SYT1: variants seen among roughly 807,000 people sequenced by gnomAD.
SYT1 encodes the protein synaptotagmin-1.
SYT1 carries 8 observed loss-of-function variants against 44.8 expected under a neutral mutation model. The ratio of observed to expected loss-of-function variants is 0.18; its 90% CI spans 0.10 to 0.32. The LOEUF (loss-of-function observed/expected upper bound fraction) is 0.32, where lower values mean the gene tolerates loss of function less well. Ranked by LOEUF, SYT1 falls within the 10% of genes least tolerant of loss-of-function variation. The probability of loss-of-function intolerance (pLI) is 1.00; values close to 1 mark genes in which losing one functional copy is unlikely to be tolerated. For synonymous variants in SYT1, 154 were observed against 188.8 expected, an observed-to-expected ratio of 0.82 and a Z score of 1.51; for missense variants, 286 against 509.3, an observed-to-expected ratio of 0.56 and a Z score of 4.22.
intron 2 of SYT1, among the ~76,000 whole-genome samples, chr12:79,008,223 G>A (rs1354040561): frequency 6.6e-6 from 1 of 151,878 alleles, no homozygotes; most frequent in African/African-American, 2.4e-5. Context: ...GAAGGAAGAG[G>A]GCTCCAAGCA....
At chr12:78,947,419 A>G (rs1204648082) in intron 1 of SYT1, among the ~76,000 whole-genome samples, 1 of 152,118 alleles carries the variant, frequency 6.6e-6, no homozygotes, top group Non-Finnish European at 1.5e-5. Flanking sequence ...GGGCTCCTCT[A>G]AAGCCAAACC....
intron 9 of SYT1, among the ~76,000 whole-genome samples, chr12:79,376,693 G>C (rs898431256): frequency 6.6e-6 from 1 of 152,090 alleles, no homozygotes; most frequent in African/African-American, 2.4e-5. Context: ...TGACATAAAT[G>C]GGCAATTTTC....
rs1872009631 is a variant in SYT1, at chr12:79,178,080, G to C, written c.-17-39423G>C. ...ATCCCATTTGTCAATTTTGGCTTTT[G>C]TTGCCATTGCTGTAAAAGCATATTT... On this transcript the variant is annotated intron_variant, in intron 3 of 10. Transcript: ENST00000261205. 2.6e-5 allele frequency among the ~76,000 whole-genome samples: 4 copies of C among 152,000 alleles called. No homozygotes were observed. The South Asian group carries it at 6.2e-4, about 24-fold the overall frequency.
chr12:78,875,053 A>G (rs901419941), intron 1 of SYT1, among the ~76,000 whole-genome samples: 3 of 151,632 alleles, frequency 2.0e-5, no homozygotes, highest in African/African-American at 7.3e-5. Flanking sequence ...TGTAAATGAG[A>G]ATTTCAAACT....
chr12:79,140,227 G>A (rs1210008542), intron 3 of SYT1, among the ~76,000 whole-genome samples: 2 of 152,152 alleles, frequency 1.3e-5, no homozygotes, highest in African/African-American at 4.8e-5. Flanking sequence ...CTAAAAATCT[G>A]CATGCTTCCA....
chr12:79,384,967 C>T (rs1299705582), intron 9 of SYT1, among the ~76,000 whole-genome samples: 1 of 150,220 alleles, frequency 6.7e-6, no homozygotes, highest in Admixed American at 6.7e-5. Context: ...TAATAAGCAG[C>T]TAATGGAAGG....
chr12:79,331,656 AC>A (rs1308036131), intron 8 of SYT1, among the ~76,000 whole-genome samples: 4 of 152,168 alleles, frequency 2.6e-5, no homozygotes, highest in African/African-American at 9.6e-5. Context: ...AATAGTTACT[AC>A]CTTTATGAAG....
chr12:79,035,645 A>T (rs1350615043), intron 2 of SYT1, among the ~76,000 whole-genome samples: 2 of 151,556 alleles, frequency 1.3e-5, no homozygotes, highest in African/African-American at 4.8e-5. Context: ...CCATTCTGCC[A>T]TCACTGCCAT....
At chr12:79,417,278 G>A (rs1168423090) in intron 9 of SYT1, among the ~76,000 whole-genome samples, 2 of 152,056 alleles carry the variant, frequency 1.3e-5, no homozygotes, top group African/African-American at 4.8e-5. Flanking sequence ...CAGGTGGTTG[G>A]TTTCTCTTCA....
chr12:79,325,401 AAAAC>A (rs1881566064), intron 8 of SYT1, among the ~76,000 whole-genome samples: 1 of 152,264 alleles, frequency 6.6e-6, no homozygotes, highest in Non-Finnish European at 1.5e-5. Flanking sequence ...TGGATGTGGG[AAAAC>A]AAACAATTTG....
intron 8 of SYT1, among the ~76,000 whole-genome samples, chr12:79,316,050 A>C (rs1335403660): frequency 6.6e-6 from 1 of 152,232 alleles, no homozygotes; most frequent in African/African-American, 2.4e-5. Context: ...GCATGCAATA[A>C]AATGCACAGA....
intron 2 of SYT1, among the ~76,000 whole-genome samples, chr12:79,041,880 A>G (rs1235750807): frequency 1.3e-5 from 2 of 152,178 alleles, no homozygotes; most frequent in Non-Finnish European, 2.9e-5. Context: ...CTATTGAGAT[A>G]ATCATGTGGT....
intron 1 of SYT1, among the ~76,000 whole-genome samples, chr12:78,876,977 C>T (rs1181373353): frequency 1.2e-5 from 1 of 82,022 alleles, no homozygotes; most frequent in Non-Finnish European, 2.4e-5. Context: ...CACCTGGCTC[C>T]TCTAGTAAAT....
intron 2 of SYT1, among the ~76,000 whole-genome samples, chr12:79,043,884 G>C (rs1873789463): frequency 6.6e-6 from 1 of 152,168 alleles, no homozygotes; most frequent in African/African-American, 2.4e-5. Context: ...CTTCGCTTAT[G>C]AAGTTTAGTT....
intron 8 of SYT1, among the ~76,000 whole-genome samples, chr12:79,331,839 A>T (rs1025169962): frequency 3.9e-5 from 6 of 152,122 alleles, no homozygotes; most frequent in Non-Finnish European, 5.9e-5. Context: ...AAAAAAAATA[A>T]AGTCATAAAA....
chr12:78,934,495 C>T (rs1877941675), intron 1 of SYT1, among the ~76,000 whole-genome samples: 1 of 152,206 alleles, frequency 6.6e-6, no homozygotes, highest in Middle Eastern at 3.4e-3. Context: ...CATGATTGTG[C>T]CATTGCACTT....
Position 79,138,967 on chromosome 12 carries a change from A to G in SYT1, c.-17-78536A>G, listed in dbSNP as rs941603214. Among the ~76,000 whole-genome samples, 3 of 152,366 alleles carry G rather than the reference A, an allele frequency of 2.0e-5. No individual in the cohort carries two copies. In the East Asian group the frequency reaches 5.8e-4, roughly 29 times the overall value. On this transcript the variant is annotated intron_variant, in intron 3 of 10. Coordinates refer to ENST00000261205, the MANE Select transcript of SYT1 (RefSeq NM_005639.3). ...ATCAGAATTTATCCAAAATTTCCTG[A>G]TGAACAAAACCTCAAAATATTAAAT... is the stretch of plus-strand genomic sequence containing the variant.
chr12:79,366,613 G>A (rs1333892513), intron 9 of SYT1, among the ~76,000 whole-genome samples: 2 of 152,184 alleles, frequency 1.3e-5, no homozygotes, highest in African/African-American at 2.4e-5. Context: ...ACAGCAGGGC[G>A]CAGCAGAAAG....
At chr12:79,236,934 A>G (rs1565869020) in intron 4 of SYT1, among the ~76,000 whole-genome samples, 1 of 152,216 alleles carries the variant, frequency 6.6e-6, no homozygotes, top group East Asian at 1.9e-4. Flanking sequence ...ACTTTATTTA[A>G]TAGTTAAAGA....
Sources: gnomAD v4.1 joint callset for allele counts (sites outside exome capture counted in the v4.1 genomes callset) on GRCh38, gnomAD v4.1.1 for gene constraint, MANE v1.5 for transcripts, NCBI Gene and HGNC (gene_info 2026-07-23, HGNC 2026-07-21) for gene names.